The following PTPRD variants were observed in gnomAD, a reference collection of about 807,000 sequenced individuals.
The protein encoded by PTPRD is receptor-type tyrosine-protein phosphatase delta.
PTPRD carries 34 observed loss-of-function variants against 214.5 expected under a neutral mutation model. The ratio of observed to expected loss-of-function variants is 0.16; its 90% CI spans 0.12 to 0.21. The LOEUF (loss-of-function observed/expected upper bound fraction) is 0.21, where lower values mean the gene tolerates loss of function less well. Ranked by LOEUF, PTPRD falls within the 10% of genes least tolerant of loss-of-function variation. PTPRD has a pLI of 1.00. For missense variants in PTPRD, 2,545 were observed against 2,398.7 expected, an observed-to-expected ratio of 1.06 and a Z score of -1.27; for synonymous variants, 1,128 against 845.7, an observed-to-expected ratio of 1.33 and a Z score of -5.79.
At chr9:8,823,287 C>T (rs1475132958) in intron 11 of PTPRD, among the ~76,000 whole-genome samples, 1 of 152,118 alleles carries the variant, frequency 6.6e-6, no homozygotes, top group Admixed American at 6.5e-5. Context: ...CATCCCTTCC[C>T]ACAAAGCTTT....
chr9:9,566,590 T>G (rs2084614154), intron 8 of PTPRD, among the ~76,000 whole-genome samples: 1 of 151,990 alleles, frequency 6.6e-6, no homozygotes, highest in Non-Finnish European at 1.5e-5. Context: ...TTTTATTACA[T>G]AGACTATGTA....
rs183644095 is a variant in PTPRD at position 8,716,398 on chromosome 9, C to G, written c.64+17382G>C. ...AGTGTAAGATACTAGGTAATAGAAT[C>G]CATTCTCTAATTCACTTTACACAAA... On this transcript the variant is annotated intron_variant, in intron 12 of 45. Transcript: ENST00000381196. Among the ~76,000 whole-genome samples the G allele has an allele frequency of 2.6e-5, 4 of 152,304 alleles. No individual in the cohort carries two copies. In the East Asian group the frequency reaches 7.7e-4, roughly 29 times the overall value.
intron 9 of PTPRD, among the ~76,000 whole-genome samples, chr9:9,265,680 T>C (rs1939125679): frequency 6.6e-6 from 1 of 150,854 alleles, no homozygotes. Flanking sequence ...TATGTAAGCC[T>C]CAGATTAACA....
chr9:8,402,375 T>A (rs1320165344), intron 36 of PTPRD, among the ~76,000 whole-genome samples: 1 of 152,078 alleles, frequency 6.6e-6, no homozygotes, highest in Admixed American at 6.6e-5. Context: ...ATAGTTTTTA[T>A]CCCTCAACAT....
chr9:8,702,034 G>A (rs2098097519), intron 12 of PTPRD, among the ~76,000 whole-genome samples: 1 of 152,116 alleles, frequency 6.6e-6, no homozygotes, highest in East Asian at 1.9e-4. Flanking sequence ...GGCCTTGGCA[G>A]ACCACTTTAT....
intron 7 of PTPRD, among the ~76,000 whole-genome samples, chr9:9,641,620 A>C (rs2095957225): frequency 6.6e-6 from 1 of 152,234 alleles, no homozygotes; most frequent in South Asian, 2.1e-4. Flanking sequence ...AAAAGCTGGG[A>C]TGTAAGAAAA....
intron 21 of PTPRD, among the ~76,000 whole-genome samples, chr9:8,513,782 G>A (rs1238247354): frequency 6.6e-6 from 1 of 152,030 alleles, no homozygotes; most frequent in Non-Finnish European, 1.5e-5. Context: ...TTTGGTAGGT[G>A]TCCACTAATA....
intron 14 of PTPRD, among the ~76,000 whole-genome samples, chr9:8,628,670 A>T (rs7042903): frequency 0.17 from 25,742 of 151,480 alleles, 2,977 homozygotes; most frequent in African/African-American, 0.33. Context: ...TTGCTTAAGA[A>T]TCCAGTTATT....
chr9:10,231,255 G>T (rs532034617), intron 3 of PTPRD, among the ~76,000 whole-genome samples: 1 of 151,692 alleles, frequency 6.6e-6, no homozygotes, highest in South Asian at 2.1e-4. Flanking sequence ...TAATGAAAAA[G>T]AGAAAGGAGG....
intron 3 of PTPRD, among the ~76,000 whole-genome samples, chr9:10,159,867 C>A (rs533135315): frequency 3.9e-5 from 6 of 152,034 alleles, no homozygotes; most frequent in African/African-American, 1.4e-4. Context: ...TAGAAAATAA[C>A]CTCAACAGGC....
chr9:10,081,448 T>A (rs112818905), intron 3 of PTPRD, among the ~76,000 whole-genome samples: 93 of 152,096 alleles, frequency 6.1e-4, no homozygotes, highest in African/African-American at 1.7e-3. Flanking sequence ...TGGGAGGCAA[T>A]TAGGTCATGA....
At chr9:8,696,047 G>C (rs943651872) in intron 12 of PTPRD, among the ~76,000 whole-genome samples, 1 of 152,146 alleles carries the variant, frequency 6.6e-6, no homozygotes, top group Non-Finnish European at 1.5e-5. Context: ...CCTGACATAA[G>C]AGAGTAAAAG....
intron 9 of PTPRD, among the ~76,000 whole-genome samples, chr9:9,374,036 T>A (rs1418697040): frequency 6.6e-6 from 1 of 151,994 alleles, no homozygotes; most frequent in African/African-American, 2.4e-5. Context: ...AATTAACACA[T>A]CTACTAGATG....
chr9:10,015,435 T>C (rs1174779595), intron 4 of PTPRD, among the ~76,000 whole-genome samples: 1 of 152,104 alleles, frequency 6.6e-6, no homozygotes, highest in Non-Finnish European at 1.5e-5. Context: ...AAATTACTCA[T>C]GCCTCGTTTG....
At chr9:8,580,180 T>C (rs566190771) in intron 14 of PTPRD, among the ~76,000 whole-genome samples, 3 of 152,212 alleles carry the variant, frequency 2.0e-5, no homozygotes, top group Non-Finnish European at 2.9e-5. Context: ...GCAGTAGACA[T>C]GTGAAAAAAG....
At chr9:8,505,143 T>C (rs1203507906) in intron 22 of PTPRD, among the ~76,000 whole-genome samples, 1 of 152,198 alleles carries the variant, frequency 6.6e-6, no homozygotes, top group Non-Finnish European at 1.5e-5. Flanking sequence ...TCAAATGCTA[T>C]AACTCTCACC....
At chr9:10,352,274 A>T (rs2097196162) in intron 2 of PTPRD, among the ~76,000 whole-genome samples, 1 of 152,092 alleles carries the variant, frequency 6.6e-6, no homozygotes, top group Non-Finnish European at 1.5e-5. Flanking sequence ...TTTTAATTAT[A>T]CAAACACTCC....
chr9:10,175,559 T>A (rs72696951), intron 3 of PTPRD, among the ~76,000 whole-genome samples: 17,173 of 152,042 alleles, frequency 0.11, 1,264 homozygotes, highest in African/African-American at 0.2. Flanking sequence ...ATGTGTTAAC[T>A]TTGAATGTAA....
chr9:8,930,230 C>T (rs975027909), intron 11 of PTPRD, among the ~76,000 whole-genome samples: 10 of 151,316 alleles, frequency 6.6e-5, no homozygotes, highest in Non-Finnish European at 8.8e-5. Context: ...TTTGTCCTTG[C>T]GATAGTTTGC....
Sources: gnomAD v4.1 joint callset for allele counts (sites outside exome capture counted in the v4.1 genomes callset) on GRCh38, gnomAD v4.1.1 for gene constraint, MANE v1.5 for transcripts, NCBI Gene and HGNC (gene_info 2026-07-23, HGNC 2026-07-21) for gene names.